KLHL20: variants seen among roughly 807,000 people sequenced by gnomAD.
KLHL20 encodes kelch-like protein 20.
KLHL20 carries 29 observed loss-of-function variants against 69.5 expected under a neutral mutation model. That is an observed-to-expected ratio of 0.42 (90% CI 0.31 to 0.57). The LOEUF (loss-of-function observed/expected upper bound fraction) is 0.57. Ranked by LOEUF, KLHL20 falls within the 20% of genes least tolerant of loss-of-function variation. The pLI is 0.18. For synonymous variants in KLHL20, 253 were observed against 265.2 expected (o/e 0.95, Z 0.45); for missense variants, 419 against 776.0 (o/e 0.54, Z 5.47).
At chr1:173,743,061 A>G (rs949395899) in intron 3 of KLHL20, among the ~76,000 whole-genome samples, 5 of 150,616 alleles carry the variant, frequency 3.3e-5, no homozygotes, top group South Asian at 2.1e-4. Context: ...ATTTAATCAG[A>G]AAAAAAAACA....
chr1:173,780,610 A>G (rs1311638478), intron 10 of KLHL20, among the ~76,000 whole-genome samples: 2 of 152,182 alleles, frequency 1.3e-5, no homozygotes, highest in African/African-American at 4.8e-5. Context: ...GACCCCATCT[A>G]TACAAAAAAT....
chr1:173,746,029 T>C (rs1460149365), intron 3 of KLHL20, among the ~76,000 whole-genome samples: 1 of 152,150 alleles, frequency 6.6e-6, no homozygotes, highest in African/African-American at 2.4e-5. Flanking sequence ...AGGAGCAGTG[T>C]TGAATTTTGT....
intron 10 of KLHL20, among the ~76,000 whole-genome samples, chr1:173,778,817 C>T (rs754097594): frequency 6.6e-6 from 1 of 152,018 alleles, no homozygotes; most frequent in African/African-American, 2.4e-5. Flanking sequence ...GTAATGTCTC[C>T]TTTTTCATCT....
chr1:173,734,427 A>G, intron 3 of KLHL20, 141 bp downstream of exon 3: 1 of 772,508 alleles, frequency 1.3e-6, no homozygotes, highest in Non-Finnish European at 2.2e-6. Context: ...TAAATCCTAA[A>G]CCTGGCTTTT....
At chr1:173,746,267 T>A (rs927707801) in intron 3 of KLHL20, among the ~76,000 whole-genome samples, 6 of 152,200 alleles carry the variant, frequency 3.9e-5, no homozygotes, top group African/African-American at 1.4e-4. Flanking sequence ...TTTGTCAAGT[T>A]AAGTATGAAT....
At chr1:173,746,872 C>T (rs1571888907) in intron 3 of KLHL20, among the ~76,000 whole-genome samples, 1 of 151,788 alleles carries the variant, frequency 6.6e-6, no homozygotes, top group Non-Finnish European at 1.5e-5. Flanking sequence ...AGCTATTCTT[C>T]TCGGATCACT....
At chr1:173,740,123 C>CTTTTTTTTTTT (rs377138582) in intron 3 of KLHL20, among the ~76,000 whole-genome samples, 1 of 122,246 alleles carries the variant, frequency 8.2e-6, no homozygotes, top group Admixed American at 8.2e-5. Flanking sequence ...TTTCTTTTTT[C>CTTTTTTTTTTT]TTTTTTTTTT....
intron 7 of KLHL20, among the ~76,000 whole-genome samples, chr1:173,765,229 C>T (rs1647614467): frequency 1.3e-5 from 2 of 152,178 alleles, no homozygotes; most frequent in Non-Finnish European, 2.9e-5. Flanking sequence ...CTCGGCCGGA[C>T]ATGGTGGCTC....
At chr1:173,735,060 G>T (rs1672459644) in intron 3 of KLHL20, among the ~76,000 whole-genome samples, 2 of 152,190 alleles carry the variant, frequency 1.3e-5, no homozygotes, top group Admixed American at 1.3e-4. Flanking sequence ...AACCCAGTGA[G>T]ACCCAGAGAC....
intron 2 of KLHL20, among the ~76,000 whole-genome samples, chr1:173,721,787 A>G (rs1266369901): frequency 6.6e-6 from 1 of 152,268 alleles, no homozygotes; most frequent in Non-Finnish European, 1.5e-5. Context: ...TCTACTAAGT[A>G]GAAGTGACAC....
chr1:173,715,943 A>T, intron 1 of KLHL20, 60 bp from the exon 2 acceptor site: 1 of 1,190,238 alleles, frequency 8.4e-7, no homozygotes, highest in Non-Finnish European at 1.2e-6. Flanking sequence ...TTATATAAAG[A>T]TTGTTACTGT....
intron 7 of KLHL20, among the ~76,000 whole-genome samples, chr1:173,763,264 A>G (rs1027771716): frequency 4.6e-5 from 7 of 152,246 alleles, no homozygotes; most frequent in South Asian, 2.1e-4. Flanking sequence ...AACACTTCCC[A>G]TGCTCATGGA....
At chr1:173,768,829 C>T (rs904599174) in intron 8 of KLHL20, among the ~76,000 whole-genome samples, 2 of 152,166 alleles carry the variant, frequency 1.3e-5, no homozygotes, top group African/African-American at 4.8e-5. Flanking sequence ...CTCACAAACT[C>T]CAAAACACAA....
At chr1:173,726,615 C>T (rs573107478) in intron 2 of KLHL20, among the ~76,000 whole-genome samples, 3 of 152,168 alleles carry the variant, frequency 2.0e-5, no homozygotes, top group Admixed American at 6.5e-5. Flanking sequence ...CTGCAGCCTC[C>T]GCAGCTGATA....
At chr1:173,753,180 T>C in intron 4 of KLHL20, 33 bp from the exon 5 acceptor site, 1 of 1,544,234 alleles carries the variant, frequency 6.5e-7, no homozygotes, top group Non-Finnish European at 8.9e-7. Flanking sequence ...TCAAAATTAA[T>C]TAATTAAAAT....
intron 9 of KLHL20, 41 bp downstream of exon 9, chr1:173,774,479 A>G (rs1436093357): frequency 1.2e-6 from 2 of 1,611,062 alleles, no homozygotes; most frequent in Non-Finnish European, 1.7e-6. Flanking sequence ...CCAAAAGCAG[A>G]ACATTTTCCT....
At chr1:173,721,699 A>G (rs1342809138) in intron 2 of KLHL20, among the ~76,000 whole-genome samples, 1 of 152,202 alleles carries the variant, frequency 6.6e-6, no homozygotes, top group African/African-American at 2.4e-5. Context: ...TTCACAACCA[A>G]GTTTCAAATA....
chr1:173,742,661 G>A (rs569536627), intron 3 of KLHL20, among the ~76,000 whole-genome samples: 8 of 150,132 alleles, frequency 5.3e-5, no homozygotes, highest in African/African-American at 1.2e-4. Flanking sequence ...GTATATACAC[G>A]TATGTGTATA....
In KLHL20 at chr1:173,785,993, T is replaced by C. The variant is rs1649184011; in HGVS notation, c.*746T>C. Reference sequence around the variant, plus strand: ...TTATAAAAACAATATATAAGTCTCATATGCTGTCTTGAGAATCCAAGAGAA... The same window carrying C: ...TTATAAAAACAATATATAAGTCTCACATGCTGTCTTGAGAATCCAAGAGAA... On this transcript the variant is annotated 3_prime_UTR_variant, in exon 12 of 12. Coordinates refer to ENST00000209884, the MANE Select transcript of KLHL20 (RefSeq NM_014458.4). 1 of 152,216 alleles carries C rather than the reference T, an allele frequency of 6.6e-6. No homozygotes were observed. Among genetic ancestry groups the C allele is most frequent in the African/African-American group, 2.4e-5 (1 of 41,454 alleles). The allele number at this position is 152,216 out of a possible 1,614,324, so 9.4% of individuals were successfully genotyped here.
Sources: gnomAD v4.1 joint callset for allele counts (sites outside exome capture counted in the v4.1 genomes callset) on GRCh38, gnomAD v4.1.1 for gene constraint, MANE v1.5 for transcripts, NCBI Gene and HGNC (gene_info 2026-07-23, HGNC 2026-07-21) for gene names.